NRK: variants seen among roughly 807,000 people sequenced by gnomAD.
NRK encodes nik-related protein kinase.
Under a neutral mutation model 125.2 loss-of-function variants are expected in NRK, and 67 were observed. That is an observed-to-expected ratio of 0.54 (90% confidence interval 0.44 to 0.66). NRK has a LOEUF of 0.66. Ranked by LOEUF, NRK falls within the 30% of genes least tolerant of loss-of-function variation. NRK has a pLI of 0.00. For synonymous variants in NRK, 458 were observed against 429.0 expected (o/e 1.07, Z -0.84); for missense variants, 1,224 against 1,192.9 (o/e 1.03, Z -0.38).
At chrX:105,937,418 G>A (rs1240863220) in intron 21 of NRK, 21 bp from the exon 22 acceptor site, 10 of 1,116,403 alleles carry the variant, frequency 9.0e-6, no homozygotes, top group Non-Finnish European at 8.5e-6. Context: ...AGCTAATATA[G>A]CACTTTTTAT....
intron 3 of NRK, 142 bp from the exon 4 acceptor site, chrX:105,881,566 A>T (rs2039884584): frequency 2.7e-6 from 1 of 376,726 alleles, no homozygotes; most frequent in African/African-American, 2.5e-5. Flanking sequence ...GGTTTTTTAA[A>T]TTAAAACTAT....
chrX:105,956,165 C>T lies in NRK; in HGVS notation c.*565C>T, dbSNP rs2040974989. 1 of 111,675 alleles carries T rather than the reference C, an allele frequency of 9.0e-6. No individual in the cohort carries two copies. 9.2% of individuals were successfully genotyped at this position (111,675 alleles called of 1,213,427 possible). A position where few individuals can be genotyped will look rare whatever the true frequency, so the allele number is the denominator to read the frequency against. ...GAAAAGGCCACCACTCGTTTTCTCACTGATTCATGCCAATTAAGCCTACAG... is the reference window on the plus strand; with the variant it reads ...GAAAAGGCCACCACTCGTTTTCTCATTGATTCATGCCAATTAAGCCTACAG... On this transcript the variant is annotated 3_prime_UTR_variant, in exon 29 of 29. Transcript: ENST00000243300.
intron 2 of NRK, among the ~76,000 whole-genome samples, chrX:105,868,232 G>T (rs1448259269): frequency 9.0e-6 from 1 of 110,727 alleles, no homozygotes; most frequent in Non-Finnish European, 1.9e-5. Flanking sequence ...CAATGAATTT[G>T]GAAAATTAGT....
At chrX:105,917,843 T>C (rs1242027738) in intron 16 of NRK, among the ~76,000 whole-genome samples, 171 bp downstream of exon 16, 1 of 111,575 alleles carries the variant, frequency 9.0e-6, no homozygotes. Context: ...GGGTGGTCAG[T>C]GGTGGCCTTT....
At chrX:105,826,830 A>G (rs989889278) in intron 1 of NRK, among the ~76,000 whole-genome samples, 2 of 110,971 alleles carry the variant, frequency 1.8e-5, no homozygotes, top group Non-Finnish European at 3.8e-5. Flanking sequence ...AATATTCAGC[A>G]TAATCCTCAA....
intron 2 of NRK, among the ~76,000 whole-genome samples, chrX:105,866,740 G>A (rs2039676509): frequency 1.8e-5 from 2 of 112,023 alleles, no homozygotes; most frequent in Non-Finnish European, 3.8e-5. Context: ...TGATTAAAGA[G>A]GAAAATAGTT....
At chrX:105,840,658 T>C (rs777104241) in intron 2 of NRK, among the ~76,000 whole-genome samples, 137 of 111,346 alleles carry the variant, frequency 1.2e-3, no homozygotes, top group Non-Finnish European at 1.5e-3. Context: ...GCTAAGCTTA[T>C]ATATTTAATG....
chrX:105,883,952 AG>A (rs2039913315), intron 4 of NRK, among the ~76,000 whole-genome samples: 1 of 112,789 alleles, frequency 8.9e-6, no homozygotes, highest in Non-Finnish European at 1.9e-5. Context: ...TCACAGGGGA[AG>A]CAGAAAGTTT....
intron 16 of NRK, among the ~76,000 whole-genome samples, chrX:105,920,531 G>A (rs2040427761): frequency 9.2e-6 from 1 of 108,863 alleles, no homozygotes; most frequent in Admixed American, 9.9e-5. Flanking sequence ...CATGAGCATG[G>A]AATGTTCTTC....
At chrX:105,895,380 A>AGAAG (rs2147728349) in intron 6 of NRK, 53 bp from the exon 7 acceptor site, 1 of 928,003 alleles carries the variant, frequency 1.1e-6, no homozygotes, top group Non-Finnish European at 1.6e-6. Context: ...AAAGAAAGAA[A>AGAAG]GAAAGAAAGA....
intron 4 of NRK, among the ~76,000 whole-genome samples, chrX:105,883,330 T>C (rs2147710588): frequency 8.9e-6 from 1 of 112,599 alleles, no homozygotes; most frequent in Non-Finnish European, 1.9e-5. Flanking sequence ...TCTGATTATG[T>C]ATTTTAGTAA....
chrX:105,910,819 C>T (rs928550418), intron 13 of NRK, among the ~76,000 whole-genome samples: 1 of 111,500 alleles, frequency 9.0e-6, no homozygotes, highest in Admixed American at 9.5e-5. Context: ...GTCCTTCAGA[C>T]CAGTTGGCGT....
At chrX:105,861,801 G>A (rs924261354) in intron 2 of NRK, among the ~76,000 whole-genome samples, 2 of 111,929 alleles carry the variant, frequency 1.8e-5, no homozygotes, top group Admixed American at 1.9e-4. Flanking sequence ...GCTCATGCCT[G>A]TAATCCCAGC....
chrX:105,867,668 T>C (rs1047308626), intron 2 of NRK, among the ~76,000 whole-genome samples: 1 of 111,813 alleles, frequency 8.9e-6, no homozygotes, highest in Non-Finnish European at 1.9e-5. Context: ...GATATTTTCG[T>C]TATATCTCCC....
intron 14 of NRK, among the ~76,000 whole-genome samples, chrX:105,914,756 A>G (rs976217688): frequency 2.8e-4 from 30 of 108,321 alleles, no homozygotes; most frequent in Admixed American, 1.4e-3. Flanking sequence ...ATAAAGAAAA[A>G]ATAGTTTACT....
At chrX:105,953,514 TAAAC>T (rs1216393305) in intron 28 of NRK, among the ~76,000 whole-genome samples, 1 of 111,897 alleles carries the variant, frequency 8.9e-6, no homozygotes, top group East Asian at 2.8e-4. Flanking sequence ...ATGATATTTT[TAAAC>T]AAAATGCTTG....
chrX:105,917,815 C>T, intron 16 of NRK, 143 bp downstream of exon 16: 1 of 366,011 alleles, frequency 2.7e-6, no homozygotes, highest in Non-Finnish European at 4.7e-6. Context: ...GACCTGAAGG[C>T]CATTGTATTT....
intron 7 of NRK, among the ~76,000 whole-genome samples, chrX:105,897,607 A>G (rs1378021713): frequency 9.0e-6 from 1 of 111,064 alleles, no homozygotes; most frequent in Non-Finnish European, 1.9e-5. Flanking sequence ...TTCCTAGGTA[A>G]TTCTTGGCCC....
intron 13 of NRK, among the ~76,000 whole-genome samples, chrX:105,911,639 G>A: frequency 9.0e-6 from 1 of 111,237 alleles, no homozygotes; most frequent in East Asian, 2.8e-4. Flanking sequence ...AGAGAAAAAG[G>A]GAACTATAAG....
Sources: gnomAD v4.1 joint callset for allele counts (sites outside exome capture counted in the v4.1 genomes callset) on GRCh38, gnomAD v4.1.1 for gene constraint, MANE v1.5 for transcripts, NCBI Gene and HGNC (gene_info 2026-07-23, HGNC 2026-07-21) for gene names.